Variants in UPP2 observed in about 807,000 individuals in gnomAD.
UPP2 encodes UPase 2.
UPP2 carries 23 observed loss-of-function variants against 26.7 expected under a neutral mutation model. The observed-to-expected ratio is 0.86, with a 90% CI of 0.62 to 1.22. The LOEUF is 1.22. Ranked by LOEUF, UPP2 falls within the 50% of genes most tolerant of loss-of-function variation. The pLI, the probability that UPP2 is intolerant of heterozygous loss-of-function variation, is 0.00. For synonymous variants in UPP2, 127 were observed against 141.3 expected (o/e 0.90, Z 0.72); for missense variants, 387 against 396.7 (o/e 0.98, Z 0.21).
At chr2:158,039,923 A>T (rs142196604) in intron 3 of UPP2, among the ~76,000 whole-genome samples, 9 of 152,296 alleles carry the variant, frequency 5.9e-5, no homozygotes, top group African/African-American at 1.9e-4. Context: ...TCCATCTGGA[A>T]CTTAGTGTTA....
Position 158,117,804 on chromosome 2 carries a change from C to A in UPP2, c.340-20C>A. ...TATCACTTTGCAAGATGTATGATGA[C>A]TTTCTCTTTCTCTCAATAGCACGGC... is the stretch of plus-strand genomic sequence containing the variant. On this transcript the variant is annotated intron_variant, in intron 3 of 6. Transcript: ENST00000005756. 6.4e-7 allele frequency: 1 copy of A among 1,569,690 alleles called. No homozygotes were observed. Among genetic ancestry groups the A allele is most frequent in the Non-Finnish European group, 8.8e-7 (1 of 1,140,120 alleles).
At chr2:158,018,444 C>T (rs2105146358) in intron 3 of UPP2, among the ~76,000 whole-genome samples, 1 of 152,312 alleles carries the variant, frequency 6.6e-6, no homozygotes, top group Non-Finnish European at 1.5e-5. Flanking sequence ...TTGTTCCTCC[C>T]TTCTCTTCTC....
intron 3 of UPP2, among the ~76,000 whole-genome samples, chr2:158,079,207 A>G (rs928251363): frequency 2.0e-5 from 3 of 152,064 alleles, no homozygotes; most frequent in Non-Finnish European, 4.4e-5. Context: ...AGTCTCATGT[A>G]TTTCTTCATA....
At chr2:158,076,173 T>C (rs1018281954) in intron 3 of UPP2, among the ~76,000 whole-genome samples, 72 of 151,952 alleles carry the variant, frequency 4.7e-4, no homozygotes, top group Admixed American at 2.5e-3. Flanking sequence ...ATCGAAGTTG[T>C]AATACAAATT....
At chr2:158,084,256 A>G (rs950278660) in intron 3 of UPP2, among the ~76,000 whole-genome samples, 2 of 152,114 alleles carry the variant, frequency 1.3e-5, no homozygotes, top group African/African-American at 4.8e-5. Context: ...TTCCCTGATA[A>G]TTAGTGACAT....
chr2:158,051,479 T>TTCCAA (rs1682157958), intron 3 of UPP2, among the ~76,000 whole-genome samples: 1 of 151,630 alleles, frequency 6.6e-6, no homozygotes, highest in East Asian at 1.9e-4. Context: ...TTACTTGGAG[T>TTCCAA]GAAGATAAAT....
intron 3 of UPP2, among the ~76,000 whole-genome samples, chr2:158,052,822 A>G (rs75788812): frequency 6.6e-6 from 1 of 152,348 alleles, no homozygotes; most frequent in East Asian, 1.9e-4. Flanking sequence ...TTGTTGGGCC[A>G]TAATGTCTCA....
At chr2:158,114,303 C>T (rs779244451) in intron 2 of UPP2, among the ~76,000 whole-genome samples, 11 of 152,120 alleles carry the variant, frequency 7.2e-5, no homozygotes, top group African/African-American at 2.4e-4. Context: ...GTTGCTGACC[C>T]GTAGTGCTTC....
intron 2 of UPP2, among the ~76,000 whole-genome samples, chr2:158,109,438 C>T (rs745799777): frequency 5.9e-5 from 9 of 152,188 alleles, no homozygotes; most frequent in Non-Finnish European, 1.3e-4. Flanking sequence ...GGTTTCCCTA[C>T]ATCTGGTGAT....
intron 3 of UPP2, among the ~76,000 whole-genome samples, chr2:158,034,809 TCTC>T: frequency 6.6e-6 from 1 of 152,272 alleles, no homozygotes; most frequent in East Asian, 1.9e-4. Flanking sequence ...GCCTTAAGAT[TCTC>T]CTTCAAATTG....
intron 3 of UPP2, among the ~76,000 whole-genome samples, chr2:158,047,189 G>A (rs973732409): frequency 3.3e-5 from 5 of 152,196 alleles, no homozygotes; most frequent in Admixed American, 2.0e-4. Flanking sequence ...GTCCTGTGGT[G>A]CATTTCCTAC....
At chr2:158,072,142 C>T (rs1682553011) in intron 3 of UPP2, among the ~76,000 whole-genome samples, 1 of 152,070 alleles carries the variant, frequency 6.6e-6, no homozygotes, top group African/African-American at 2.4e-5. Context: ...TCCCCACAAG[C>T]TGACTGAAGA....
chr2:158,040,358 T>G (rs541544245), intron 3 of UPP2, among the ~76,000 whole-genome samples: 29 of 152,354 alleles, frequency 1.9e-4, no homozygotes, highest in Middle Eastern at 3.4e-3. Context: ...ATCTAGATTT[T>G]TGTTCATACA....
At chr2:158,047,078 C>T (rs1684166256) in intron 3 of UPP2, among the ~76,000 whole-genome samples, 1 of 152,188 alleles carries the variant, frequency 6.6e-6, no homozygotes, top group Non-Finnish European at 1.5e-5. Flanking sequence ...TTTCTATGTG[C>T]ATCTGAGGGA....
At chr2:158,025,073 G>T (rs1180894938) in intron 3 of UPP2, among the ~76,000 whole-genome samples, 1 of 151,956 alleles carries the variant, frequency 6.6e-6, no homozygotes, top group Non-Finnish European at 1.5e-5. Flanking sequence ...TGATGGCGGG[G>T]TGCCTGTAAT....
At chr2:158,098,900 TA>T (rs1420249853), upstream of UPP2, among the ~76,000 whole-genome samples, 10 of 152,228 alleles carry the variant, frequency 6.6e-5, no homozygotes, top group Non-Finnish European at 1.3e-4. Flanking sequence ...AATGTTAAAC[TA>T]TAACACATCT....
At chr2:158,026,035 C>T (rs1683828105) in intron 3 of UPP2, among the ~76,000 whole-genome samples, 1 of 152,116 alleles carries the variant, frequency 6.6e-6, no homozygotes, top group African/African-American at 2.4e-5. Flanking sequence ...AGTACAGCAG[C>T]CTCCATAGCT....
At chr2:158,031,096 T>C (rs2105156272) in intron 3 of UPP2, among the ~76,000 whole-genome samples, 1 of 152,310 alleles carries the variant, frequency 6.6e-6, no homozygotes, top group South Asian at 2.1e-4. Flanking sequence ...ATATTAAAAT[T>C]AAATAAATGG....
chr2:158,003,578 T>A (rs1683442261), intron 2 of UPP2, among the ~76,000 whole-genome samples: 2 of 151,880 alleles, frequency 1.3e-5, no homozygotes. Flanking sequence ...TGTGGTGGTG[T>A]GTGCTTGTAA....
Sources: allele counts gnomAD v4.1 joint callset (sites outside exome capture counted in the v4.1 genomes callset), GRCh38; gene constraint gnomAD v4.1.1; transcripts MANE v1.5; gene names NCBI Gene and HGNC (gene_info 2026-07-23, HGNC 2026-07-21).